The following DLG2 variants were observed in gnomAD, a reference collection of about 807,000 sequenced individuals.
The protein encoded by DLG2 is discs large MAGUK scaffold protein 2, also known as disks large homolog 2.
Under a neutral mutation model 132.5 loss-of-function variants are expected in DLG2, and 45 were observed. That is an observed-to-expected ratio of 0.34 (90% CI 0.27 to 0.44). The LOEUF (loss-of-function observed/expected upper bound fraction) is 0.44. Ranked by LOEUF, DLG2 falls within the 20% of genes least tolerant of loss-of-function variation. The probability of loss-of-function intolerance (pLI) is 1.00; values close to 1 mark genes in which losing one functional copy is unlikely to be tolerated. For synonymous variants in DLG2, 424 were observed against 419.6 expected, an observed-to-expected ratio of 1.01 and a Z score of -0.13; for missense variants, 1,045 against 1,196.9, an observed-to-expected ratio of 0.87 and a Z score of 1.87.
intron 2 of DLG2, among the ~76,000 whole-genome samples, chr11:85,606,434 A>G (rs1484038582): frequency 6.6e-6 from 1 of 152,186 alleles, no homozygotes; most frequent in African/African-American, 2.4e-5. Context: ...GTCTAGCTAA[A>G]GGTTTGTTAA....
chr11:85,562,341 G>T (rs1565688585), intron 3 of DLG2, among the ~76,000 whole-genome samples: 1 of 151,648 alleles, frequency 6.6e-6, no homozygotes, highest in Admixed American at 6.6e-5. Flanking sequence ...AATTCCTTGG[G>T]TATCAGTGAG....
At chr11:85,561,465 G>T (rs534324208) in intron 3 of DLG2, among the ~76,000 whole-genome samples, 15 of 147,448 alleles carry the variant, frequency 1.0e-4, no homozygotes, top group African/African-American at 3.8e-4. Flanking sequence ...TTACAAAAGG[G>T]AAACTATATT....
chr11:84,790,194 T>A (rs992903809), intron 6 of DLG2, among the ~76,000 whole-genome samples: 2 of 152,212 alleles, frequency 1.3e-5, no homozygotes, highest in Non-Finnish European at 2.9e-5. Context: ...CTAATTTACA[T>A]TCCCACTAAC....
chr11:83,831,446 T>C (rs2054478084), intron 17 of DLG2, among the ~76,000 whole-genome samples: 1 of 152,082 alleles, frequency 6.6e-6, no homozygotes, highest in African/African-American at 2.4e-5. Flanking sequence ...GACAAGGCTA[T>C]TCATGCAAAT....
intron 3 of DLG2, among the ~76,000 whole-genome samples, chr11:85,418,556 A>G (rs1353684417): frequency 1.3e-5 from 2 of 152,164 alleles, no homozygotes; most frequent in Non-Finnish European, 2.9e-5. Flanking sequence ...AAAGTGTCCC[A>G]CTATTACTGT....
chr11:85,523,659 A>T (rs1241350305), intron 3 of DLG2, among the ~76,000 whole-genome samples: 2 of 152,226 alleles, frequency 1.3e-5, no homozygotes, highest in African/African-American at 2.4e-5. Context: ...ATCACCATGG[A>T]GAGCAGTTTG....
At chr11:84,934,525 G>GTTTTTTTTTTTTTTTTT (rs757894179) in intron 6 of DLG2, among the ~76,000 whole-genome samples, 1 of 38,658 alleles carries the variant, frequency 2.6e-5, no homozygotes, top group Non-Finnish European at 4.4e-5. Flanking sequence ...GTTTTGTTTT[G>GTTTTTTTTTTTTTTTTT]TTTTTTTTTT....
intron 6 of DLG2, among the ~76,000 whole-genome samples, chr11:84,761,240 T>C (rs1437126033): frequency 6.6e-6 from 1 of 152,234 alleles, no homozygotes; most frequent in Non-Finnish European, 1.5e-5. Flanking sequence ...CAATGCATTT[T>C]TACCCGTGAT....
intron 6 of DLG2, among the ~76,000 whole-genome samples, chr11:84,610,705 A>C (rs7112468): frequency 0.29 from 44,083 of 151,926 alleles, 7,247 homozygotes; most frequent in African/African-American, 0.44. Context: ...GCCAATCCTG[A>C]CTTTATAGCT....
At chr11:84,507,142 C>T (rs1232066378) in intron 7 of DLG2, among the ~76,000 whole-genome samples, 3 of 152,254 alleles carry the variant, frequency 2.0e-5, no homozygotes, top group South Asian at 2.1e-4. Context: ...TCACTCATAT[C>T]GTCAATGAAT....
intron 6 of DLG2, among the ~76,000 whole-genome samples, chr11:84,812,958 G>A (rs1401892174): frequency 6.6e-6 from 1 of 152,026 alleles, no homozygotes; most frequent in Non-Finnish European, 1.5e-5. Context: ...GAACCAAACG[G>A]AGCTGAAATT....
In DLG2 at chr11:84,094,657, T is replaced by C. The variant is rs185196367; in HGVS notation, c.749+4266A>G. On this transcript the variant is annotated intron_variant, in intron 10 of 27. Transcript: ENST00000376104. ...CATAAAGGAAGGGGCAAGGAAGCTT[T>C]TATGAGGGCACTAATATAAGCCAGG... Among the ~76,000 whole-genome samples the C allele has an allele frequency of 1.7e-3, 255 of 152,280 alleles. 4 individuals are homozygous for C. Among genetic ancestry groups the C allele is most frequent in the Non-Finnish European group, 2.9e-3 (198 of 68,022 alleles).
chr11:83,648,665 G>A (rs2069032537), intron 18 of DLG2, among the ~76,000 whole-genome samples: 1 of 152,164 alleles, frequency 6.6e-6, no homozygotes, highest in Admixed American at 6.6e-5. Context: ...AGCATTGTGT[G>A]AATATATGGG....
chr11:84,548,178 AG>A (rs1355084511), intron 6 of DLG2, among the ~76,000 whole-genome samples: 2 of 152,188 alleles, frequency 1.3e-5, no homozygotes, highest in Non-Finnish European at 2.9e-5. Context: ...CATGCAGAGA[AG>A]AACTGAGTTC....
chr11:84,864,316 G>A (rs534880105), intron 6 of DLG2, among the ~76,000 whole-genome samples: 1 of 152,206 alleles, frequency 6.6e-6, no homozygotes, highest in African/African-American at 2.4e-5. Flanking sequence ...TACCATATAT[G>A]TCCATCTAGG....
intron 17 of DLG2, among the ~76,000 whole-genome samples, chr11:83,801,155 C>G (rs905334321): frequency 2.6e-5 from 4 of 152,156 alleles, no homozygotes; most frequent in Admixed American, 1.3e-4. Flanking sequence ...TCCCACCTCC[C>G]CATGCAATCC....
rs1253661974 is a variant in DLG2 at position 85,399,031 on chromosome 11, C to G, written c.41-113666G>C. 2.6e-5 allele frequency among the ~76,000 whole-genome samples: 4 copies of G among 152,248 alleles called. No homozygotes were observed. The South Asian group carries it at 8.3e-4, about 32-fold the overall frequency. ...CACATGATTGTATATTTAGAAAACC[C>G]CATTGTCTCAGCCCAAAATCTCCTT... is the stretch of plus-strand genomic sequence containing the variant. On this transcript the variant is annotated intron_variant, in intron 3 of 27. Transcript: ENST00000376104.
intron 9 of DLG2, among the ~76,000 whole-genome samples, chr11:84,143,965 C>A (rs1301523023): frequency 6.6e-6 from 1 of 151,948 alleles, no homozygotes; most frequent in Non-Finnish European, 1.5e-5. Flanking sequence ...AAGAAGAGAA[C>A]AAGAGTGAGG....
At chr11:84,977,557 T>C (rs1200284583) in intron 6 of DLG2, among the ~76,000 whole-genome samples, 1 of 152,208 alleles carries the variant, frequency 6.6e-6, no homozygotes, top group Non-Finnish European at 1.5e-5. Context: ...ATTCATTAAC[T>C]CATGTTCATC....
Sources: allele counts gnomAD v4.1 joint callset (sites outside exome capture counted in the v4.1 genomes callset), GRCh38; gene constraint gnomAD v4.1.1; transcripts MANE v1.5; gene names NCBI Gene and HGNC (gene_info 2026-07-23, HGNC 2026-07-21).